The following AKAP3 variants were observed in gnomAD, a reference collection of about 807,000 sequenced individuals.
The protein encoded by AKAP3 is A-kinase anchoring protein 3.
Under a neutral mutation model 57.2 loss-of-function variants are expected in AKAP3, and 27 were observed. That is an observed-to-expected ratio of 0.47 (90% confidence interval 0.35 to 0.65). AKAP3 has a LOEUF of 0.65. AKAP3 is among the 30% of genes least tolerant of loss of function. The pLI is 0.01. For synonymous variants in AKAP3, 334 were observed against 392.3 expected (o/e 0.85, Z 1.76); for missense variants, 959 against 1,040.0 (o/e 0.92, Z 1.07).
chr12:4,615,724 C>T lies in AKAP3; in HGVS notation c.*15G>A. The T allele has an allele frequency of 2.5e-6, 4 of 1,610,778 alleles. No individual in the cohort carries two copies. The highest frequency in any genetic ancestry group is 3.4e-6 in the Non-Finnish European group (4 of 1,177,592). ...GCCCCACTGCCAGAAGAGGGGAAAG[C>T]AGTGGGGTTGCCGATTACAGGTTCA... On this transcript the variant is annotated 3_prime_UTR_variant, in exon 6 of 6. Transcript: ENST00000228850.
chr12:4,648,300 C>T (rs919391587), intron 1 of AKAP3, among the ~76,000 whole-genome samples: 1 of 152,208 alleles, frequency 6.6e-6, no homozygotes, highest in South Asian at 2.1e-4. Flanking sequence ...CACATGGCCA[C>T]TAAATTTGCA....
chr12:4,629,177 T>C (rs1945466947), intron 4 of AKAP3, among the ~76,000 whole-genome samples: 1 of 152,220 alleles, frequency 6.6e-6, no homozygotes, highest in African/African-American at 2.4e-5. Context: ...TGCTCTCAGC[T>C]AGTATACTAT....
chr12:4,641,038 C>A (rs1372894973), intron 3 of AKAP3, among the ~76,000 whole-genome samples: 3 of 127,606 alleles, frequency 2.4e-5, no homozygotes, highest in Non-Finnish European at 5.1e-5. Flanking sequence ...TAAAAATTTT[C>A]TCTGAGACAG....
At chr12:4,617,751 C>CAA (rs3083727) in intron 5 of AKAP3, among the ~76,000 whole-genome samples, 35,443 of 117,968 alleles carry the variant, frequency 0.3, 4,865 homozygotes, top group East Asian at 0.44. Flanking sequence ...GATTCTGTCT[C>CAA]AAAAAAAAAA....
At chr12:4,643,680 A>G (rs1945662526) in intron 2 of AKAP3, among the ~76,000 whole-genome samples, 1 of 152,212 alleles carries the variant, frequency 6.6e-6, no homozygotes, top group Admixed American at 6.5e-5. Context: ...TTTCTCAAAA[A>G]TGTCAATGTG....
At chr12:4,634,382 A>G (rs1322112638) in intron 4 of AKAP3, among the ~76,000 whole-genome samples, 1 of 152,200 alleles carries the variant, frequency 6.6e-6, no homozygotes, top group Non-Finnish European at 1.5e-5. Flanking sequence ...GTATACTTTT[A>G]AGCAACTCTT....
intron 5 of AKAP3, among the ~76,000 whole-genome samples, chr12:4,620,048 C>T (rs1945327765): frequency 6.6e-6 from 1 of 152,134 alleles, no homozygotes; most frequent in South Asian, 2.1e-4. Context: ...CTATAAAATT[C>T]TGAGGCAGAG....
chr12:4,616,707 TGA>T (rs1188974673), intron 5 of AKAP3, among the ~76,000 whole-genome samples: 3 of 151,964 alleles, frequency 2.0e-5, no homozygotes, highest in East Asian at 3.9e-4. Flanking sequence ...AGAATGTAAA[TGA>T]GAGAGGAAAG....
Position 4,648,967 on chromosome 12 carries a change from C to T in AKAP3, c.-467G>A, listed in dbSNP as rs1221171055. 7 of 745,026 alleles carry T rather than the reference C, an allele frequency of 9.4e-6. No homozygotes were observed. Among genetic ancestry groups the T allele is most frequent in the Non-Finnish European group, 1.5e-5 (7 of 456,816 alleles). 46.2% of individuals were successfully genotyped at this position (745,026 alleles called of 1,614,324 possible). A position where few individuals can be genotyped will look rare whatever the true frequency, so the allele number is the denominator to read the frequency against. On this transcript the variant is annotated 5_prime_UTR_variant, in exon 1 of 6. Transcript: ENST00000228850. ...AAGTCTTTTCACTTCCTTTCTTCCCCCTCTCCTTCACTTTCCCAGCTTTCT... is the reference window on the plus strand; with the variant it reads ...AAGTCTTTTCACTTCCTTTCTTCCCTCTCTCCTTCACTTTCCCAGCTTTCT...
chr12:4,640,520 A>C (rs1363194442), intron 3 of AKAP3, among the ~76,000 whole-genome samples: 1 of 152,246 alleles, frequency 6.6e-6, no homozygotes, highest in African/African-American at 2.4e-5. Flanking sequence ...AAACCAACAC[A>C]GATTAAAGAA....
intron 5 of AKAP3, among the ~76,000 whole-genome samples, chr12:4,619,422 T>TG (rs1365048531): frequency 6.6e-6 from 1 of 151,786 alleles, no homozygotes; most frequent in Non-Finnish European, 1.5e-5. Context: ...CTGGGCATGG[T>TG]GGGGGATGCC....
intron 4 of AKAP3, among the ~76,000 whole-genome samples, chr12:4,637,018 T>C (rs990034403): frequency 6.6e-6 from 1 of 152,210 alleles, no homozygotes; most frequent in Non-Finnish European, 1.5e-5. Flanking sequence ...GGTGTTAGGA[T>C]TACAGGTGTG....
intron 2 of AKAP3, among the ~76,000 whole-genome samples, chr12:4,642,788 G>C (rs1945652874): frequency 6.6e-6 from 1 of 151,994 alleles, no homozygotes; most frequent in African/African-American, 2.4e-5. Context: ...TATTCATCTT[G>C]GTATGCCTTA....
At chr12:4,639,814 C>CTTTTTTTTTTT (rs34820221) in intron 3 of AKAP3, among the ~76,000 whole-genome samples, 1 of 111,104 alleles carries the variant, frequency 9.0e-6, no homozygotes, top group Non-Finnish European at 1.9e-5. Flanking sequence ...ATTTTCTTGT[C>CTTTTTTTTTTT]TTTTTTTTTT....
Position 4,626,713 on chromosome 12 carries a change from A to C in AKAP3, c.2189T>G (p.Leu730Arg). 1 of 1,614,018 alleles carries C rather than the reference A, an allele frequency of 6.2e-7. No individual in the cohort carries two copies. The highest frequency in any genetic ancestry group is 2.2e-5 in the East Asian group (1 of 44,886). ...AKGTGSAEAV[L>R]QNAYQAIHNE... ...ATGGATAGCTTGATAGGCATTCTGC[A>C]GGACAGCTTCTGCTGACCCTGTGCC... Residue 730 changes from leucine to arginine, a missense_variant, in exon 5 of 6, where the codon CTG (leucine) becomes CGG (arginine). Physicochemically the swap from Leu to Arg is moderately radical, Grantham distance 102 (BLOSUM62 -2). Coordinates refer to ENST00000228850, the MANE Select transcript of AKAP3 (RefSeq NM_001278309.2).
Position 4,632,976 on chromosome 12 carries a change from A to G in AKAP3, c.97-4171T>C, listed in dbSNP as rs956648152. ...CTTTTTAATGGGGTTTTTGAAAATG[A>G]TAATATATTACTACCTAGTTATTTA... On this transcript the variant is annotated intron_variant, in intron 4 of 5. Coordinates refer to ENST00000228850, the MANE Select transcript of AKAP3 (RefSeq NM_001278309.2). 7.2e-5 allele frequency among the ~76,000 whole-genome samples: 11 copies of G among 152,258 alleles called. 1 individual carries two copies. The highest frequency in any genetic ancestry group is 3.9e-4 in the East Asian group (2 of 5,184).
rs1260051698 is a variant in AKAP3 at position 4,621,221 on chromosome 12, G to T, written c.2406+5275C>A. Among the ~76,000 whole-genome samples, 3 of 5,930 alleles carry T rather than the reference G, an allele frequency of 5.1e-4. No individual in the cohort carries two copies. The Non-Finnish European group carries it at 0.01, about 20-fold the overall frequency. The allele number at this position is 5,930 out of a possible 152,430, so 3.9% of individuals were successfully genotyped here. On this transcript the variant is annotated intron_variant, in intron 5 of 5. Transcript: ENST00000228850. ...GCTGTTATTACAAAAGAGCCAAAAAGTTAAAAAAAATCAAAACTTTGTAAC... is the reference window on the plus strand; with the variant it reads ...GCTGTTATTACAAAAGAGCCAAAAATTTAAAAAAAATCAAAACTTTGTAAC...
rs143324716 is a variant in AKAP3, at chr12:4,624,824, G to GTGTGTGTGTGTGTGTGTGTGTGTA, written c.2406+1671_2406+1672insTACACACACACACACACACACACA. 4.1e-3 allele frequency among the ~76,000 whole-genome samples: 579 copies of GTGTGTGTGTGTGTGTGTGTGTGTA among 141,082 alleles called. 7 individuals carry two copies. Among genetic ancestry groups the GTGTGTGTGTGTGTGTGTGTGTGTA allele is most frequent in the East Asian group, 0.022 (107 of 4,874 alleles). 92.6% of individuals were successfully genotyped at this position (141,082 alleles called of 152,430 possible). A position where few individuals can be genotyped will look rare whatever the true frequency, so the allele number is the denominator to read the frequency against. On this transcript the variant is annotated intron_variant, in intron 5 of 5. Transcript: ENST00000228850. ...AGTAGACAAAGGTGTGTGTGTGTGT[G>GTGTGTGTGTGTGTGTGTGTGTGTA]TATATAAAAGTGGGGGACTGCAAGT...
At chr12:4,633,190 G>A (rs548704570) in intron 4 of AKAP3, among the ~76,000 whole-genome samples, 14 of 151,536 alleles carry the variant, frequency 9.2e-5, no homozygotes, top group African/African-American at 3.1e-4. Flanking sequence ...GGGAGGCTGA[G>A]GAGGGCAGAT....
Sources: gnomAD v4.1 joint callset for allele counts (sites outside exome capture counted in the v4.1 genomes callset) on GRCh38, gnomAD v4.1.1 for gene constraint, MANE v1.5 for transcripts, NCBI Gene and HGNC (gene_info 2026-07-23, HGNC 2026-07-21) for gene names.